The following AOAH variants were observed in gnomAD, a reference collection of about 807,000 sequenced individuals.
The protein encoded by AOAH is acyloxyacyl hydrolase (neutrophil).
Under a neutral mutation model 92.2 loss-of-function variants are expected in AOAH, and 64 were observed. That is an observed-to-expected ratio of 0.69 (90% CI 0.57 to 0.86). The LOEUF is 0.86. Among genes scored for constraint, AOAH ranks in the 40% least tolerant of loss-of-function variants. The pLI is 0.00. For synonymous variants in AOAH, 263 were observed against 254.5 expected, an observed-to-expected ratio of 1.03 and a Z score of -0.32; for missense variants, 656 against 694.6, an observed-to-expected ratio of 0.94 and a Z score of 0.62.
intron 5 of AOAH, among the ~76,000 whole-genome samples, chr7:36,633,461 C>T (rs1278409490): frequency 6.6e-6 from 1 of 152,220 alleles, no homozygotes; most frequent in Non-Finnish European, 1.5e-5. Flanking sequence ...TGCATTTTAA[C>T]AACGTCCCCA....
intron 13 of AOAH, among the ~76,000 whole-genome samples, 183 bp downstream of exon 13, chr7:36,576,391 T>C (rs1348930314): frequency 2.6e-5 from 4 of 152,222 alleles, no homozygotes; most frequent in Admixed American, 6.5e-5. Flanking sequence ...TGTTCTCCTT[T>C]GCTGTGGGTA....
intron 10 of AOAH, 43 bp downstream of exon 10, chr7:36,618,254 G>T: frequency 1.3e-6 from 2 of 1,573,480 alleles, no homozygotes; most frequent in Non-Finnish European, 1.7e-6. Context: ...AACTAGAAAA[G>T]AATATCTATC....
At chr7:36,538,772 T>C (rs1785239540) in intron 16 of AOAH, among the ~76,000 whole-genome samples, 1 of 152,250 alleles carries the variant, frequency 6.6e-6, no homozygotes, top group South Asian at 2.1e-4. Context: ...GATCATGTTA[T>C]TTCTAAGGCG....
rs755310453 is a variant in AOAH, at chr7:36,623,238, C to A, written c.534G>T (p.Gln178His). 76 of 1,613,892 alleles carry A rather than the reference C, an allele frequency of 4.7e-5. No individual in the cohort carries two copies. The highest frequency in any genetic ancestry group is 6.4e-5 in the Non-Finnish European group (76 of 1,179,976). Residue 178 changes from glutamine (Q) to histidine (H), a missense_variant, in exon 7 of 21, where the codon CAG becomes CAT. Physicochemically the swap from Gln to His is conservative, Grantham distance 24. Transcript: ENST00000617537. ...ICQKIKLAME[Q>H]SVPFKDVDSD... is the part of the protein sequence containing the mutation. ...AATCCACATCTTTGAATGGCACAGA[C>A]TGTTCCATAGCTCTAGGAAAAAGAA...
chr7:36,597,005 C>G (rs1583903747), intron 11 of AOAH, among the ~76,000 whole-genome samples: 1 of 152,194 alleles, frequency 6.6e-6, no homozygotes, highest in African/African-American at 2.4e-5. Context: ...TGAGCTTCCT[C>G]TGCTCCTCCT....
At chr7:36,696,752 C>T (rs759632482) in intron 1 of AOAH, among the ~76,000 whole-genome samples, 6 of 151,586 alleles carry the variant, frequency 4.0e-5, no homozygotes, top group Non-Finnish European at 5.9e-5. Context: ...CCCAGCTACT[C>T]GGGAGGCTGA....
chr7:36,681,807 T>G (rs34207668), intron 2 of AOAH, among the ~76,000 whole-genome samples: 5 of 151,666 alleles, frequency 3.3e-5, no homozygotes, highest in Non-Finnish European at 4.4e-5. Flanking sequence ...TCTCCAGAAA[T>G]AAATAAATAA....
At chr7:36,698,642 C>T (rs969626094) in intron 1 of AOAH, among the ~76,000 whole-genome samples, 8 of 152,018 alleles carry the variant, frequency 5.3e-5, no homozygotes, top group African/African-American at 1.9e-4. Context: ...TTAGACCAAA[C>T]TATTTTCTAA....
intron 13 of AOAH, among the ~76,000 whole-genome samples, chr7:36,567,909 A>C (rs1787826364): frequency 6.6e-6 from 1 of 152,230 alleles, no homozygotes; most frequent in Non-Finnish European, 1.5e-5. Context: ...GGGGAGGAAA[A>C]AGAATCCTTT....
intron 4 of AOAH, among the ~76,000 whole-genome samples, chr7:36,655,521 CACAA>C (rs1183250414): frequency 1.3e-5 from 2 of 152,140 alleles, no homozygotes; most frequent in African/African-American, 4.8e-5. Context: ...GCACAGGATT[CACAA>C]ACCTAAGAGG....
At chr7:36,660,295 T>C (rs4557590) in intron 3 of AOAH, among the ~76,000 whole-genome samples, 122,567 of 151,694 alleles carry the variant, frequency 0.81, 49,695 homozygotes, top group East Asian at 0.91. Flanking sequence ...CCCAATTATT[T>C]GGGAACAGAG....
chr7:36,605,899 C>T (rs2115769461), intron 11 of AOAH, among the ~76,000 whole-genome samples: 1 of 152,316 alleles, frequency 6.6e-6, no homozygotes, highest in African/African-American at 2.4e-5. Flanking sequence ...CCACGGTGAA[C>T]ACAACTCTCT....
intron 19 of AOAH, among the ~76,000 whole-genome samples, chr7:36,524,614 T>C: frequency 6.6e-6 from 1 of 152,020 alleles, no homozygotes; most frequent in Non-Finnish European, 1.5e-5. Context: ...AGGCAGAGAT[T>C]GTAGTGAGCC....
intron 11 of AOAH, among the ~76,000 whole-genome samples, chr7:36,602,337 T>A (rs1168666666): frequency 6.6e-6 from 1 of 152,166 alleles, no homozygotes; most frequent in Non-Finnish European, 1.5e-5. Flanking sequence ...CTATGATTTA[T>A]TTATTCAATG....
At chr7:36,680,403 T>A (rs554433211) in intron 2 of AOAH, among the ~76,000 whole-genome samples, 1 of 152,240 alleles carries the variant, frequency 6.6e-6, no homozygotes, top group East Asian at 1.9e-4. Flanking sequence ...TGTACTTTTT[T>A]AGCTTTGGAG....
chr7:36,627,645 G>T (rs1427704721), intron 6 of AOAH, among the ~76,000 whole-genome samples: 1 of 152,084 alleles, frequency 6.6e-6, no homozygotes, highest in Non-Finnish European at 1.5e-5. Context: ...GGAGTCAGGT[G>T]TCTGCTCTCA....
At chr7:36,668,755 G>T (rs7786050) in intron 3 of AOAH, among the ~76,000 whole-genome samples, 26 of 152,156 alleles carry the variant, frequency 1.7e-4, no homozygotes, top group African/African-American at 5.8e-4. Flanking sequence ...CCAAAGTGTT[G>T]GGATTACAGG....
At chr7:36,686,896 G>T in intron 1 of AOAH, 102 bp from the exon 2 acceptor site, 2 of 511,602 alleles carry the variant, frequency 3.9e-6, no homozygotes, top group Admixed American at 4.4e-5. Flanking sequence ...GTGTGTGTGT[G>T]TCCTTAAGAA....
rs543076630 is a variant in AOAH at position 36,610,961 on chromosome 7, A to T, written c.846+5419T>A. 6.6e-5 allele frequency among the ~76,000 whole-genome samples: 10 copies of T among 152,224 alleles called. No homozygotes were observed. The South Asian group carries it at 1.9e-3, about 28-fold the overall frequency. ...AATTGAAAACAGCTGATCCCAGACC[A>T]CCCCGGACGCACGGGTGAGAAGAAA... On this transcript the variant is annotated intron_variant, in intron 11 of 20. Coordinates refer to ENST00000617537, the MANE Select transcript of AOAH (RefSeq NM_001637.4).
Sources: allele counts gnomAD v4.1 joint callset (sites outside exome capture counted in the v4.1 genomes callset), GRCh38; gene constraint gnomAD v4.1.1; transcripts MANE v1.5; gene names NCBI Gene and HGNC (gene_info 2026-07-23, HGNC 2026-07-21).